Variants in ABCC11 observed in about 807,000 individuals in gnomAD.
ABCC11 encodes the protein ATP-binding cassette sub-family C member 11.
A neutral mutation model predicts 149.3 loss-of-function variants in ABCC11; 135 were observed. The observed-to-expected ratio is 0.90, with a 90% CI of 0.79 to 1.04. The LOEUF (loss-of-function observed/expected upper bound fraction) is 1.04. Ranked by LOEUF, ABCC11 falls within the 50% of genes least tolerant of loss-of-function variation. The pLI is 0.00. For synonymous variants in ABCC11, 665 were observed against 671.4 expected (o/e 0.99, Z 0.15); for missense variants, 1,680 against 1,722.1 (o/e 0.98, Z 0.43).
In ABCC11 at chr16:48,203,346, G is replaced by A. The variant is rs192719473; in HGVS notation, c.1806-46C>T. The stretch of plus-strand genomic sequence containing the variant: ...TAAGGCACAGGGGACCAGCCCTCCC[G>A]CCCATCACCCTTCCCAGTGTCGAGA... On this transcript the variant is annotated intron_variant, in intron 13 of 29. Coordinates refer to ENST00000356608, the MANE Select transcript of ABCC11 (RefSeq NM_001370497.1). The A allele has an allele frequency of 3.8e-5, 56 of 1,484,798 alleles. No homozygotes were observed. In the Admixed American group the frequency reaches 6.9e-4, roughly 18 times the overall value. The allele number at this position is 1,484,798 out of a possible 1,614,324, so 92.0% of individuals were successfully genotyped here.
chr16:48,220,139 G>T (rs554464903), intron 6 of ABCC11, among the ~76,000 whole-genome samples: 1 of 152,224 alleles, frequency 6.6e-6, no homozygotes, highest in Non-Finnish European at 1.5e-5. Flanking sequence ...GCATACAGCA[G>T]GTGCTCAGAA....
At chr16:48,172,738 T>C (rs1438974087) in intron 26 of ABCC11, among the ~76,000 whole-genome samples, 1 of 152,226 alleles carries the variant, frequency 6.6e-6, no homozygotes, top group Non-Finnish European at 1.5e-5. Context: ...ATTATTGTTA[T>C]AGCCATTCTA....
chr16:48,214,841 A>C (rs1969207631), intron 9 of ABCC11, 40 bp downstream of exon 9: 1 of 1,610,362 alleles, frequency 6.2e-7, no homozygotes, highest in Non-Finnish European at 8.5e-7. Context: ...GAAAATTCCC[A>C]ATCATGATGG....
At chr16:48,227,326 T>A (rs1970136470) in intron 4 of ABCC11, among the ~76,000 whole-genome samples, 1 of 151,758 alleles carries the variant, frequency 6.6e-6, no homozygotes, top group Non-Finnish European at 1.5e-5. Context: ...ATACAAAAAT[T>A]AGCCGGACGT....
chr16:48,200,322 T>C lies in ABCC11; in HGVS notation c.2036A>G (p.Lys679Arg), dbSNP rs1967842846. Residue 679 changes from lysine to arginine, a missense_variant, in exon 15 of 30, where the codon AAG becomes AGG. Lys to Arg is a conservative substitution (Grantham distance 26). Transcript: ENST00000356608. Reference sequence around the variant, plus strand: ...GACGACCGTCTTCCCCCTGAGTGTCTTCTTAATGCACTCCTCAAAAATGTG... The same window carrying C: ...GACGACCGTCTTCCCCCTGAGTGTCCTCTTAATGCACTCCTCAAAAATGTG... The part of the protein sequence containing the change: ...GKHIFEECIK[K>R]TLRGKTVVLV... 2 of 1,614,130 alleles carry C rather than the reference T, an allele frequency of 1.2e-6. No individual in the cohort carries two copies. The highest frequency in any genetic ancestry group is 2.2e-5 in the South Asian group (2 of 91,088).
chr16:48,191,842 C>T (rs1043815576), intron 20 of ABCC11, among the ~76,000 whole-genome samples: 10 of 145,912 alleles, frequency 6.9e-5, no homozygotes, highest in Admixed American at 1.4e-4. Context: ...GGTTGGGGGA[C>T]GGGGGAGGGA....
rs779237531 is a variant in ABCC11 at position 48,198,141 on chromosome 16, C to T, written c.2217G>A (p.Ser739=). 49 of 1,614,030 alleles carry T rather than the reference C, an allele frequency of 3.0e-5. No individual in the cohort carries two copies. Among genetic ancestry groups the T allele is most frequent in the Admixed American group, 5.0e-5 (3 of 60,006 alleles). ...GTGAGGGCAGTGGGGCAGGACTCAC[C>T]GAAGTGGCTTCCTTGTGCATCTTCT... ...LIQKMHKEAT[S]DMLQDTAKIA... Residue 739 remains serine (S), a splice_region_variant and synonymous_variant, in exon 16 of 30, where the codon TCG becomes TCA. Transcript: ENST00000356608.
chr16:48,190,354 A>G (rs75843750), intron 20 of ABCC11, among the ~76,000 whole-genome samples: 13,472 of 151,796 alleles, frequency 0.089, 665 homozygotes, highest in Middle Eastern at 0.12. Flanking sequence ...TGATACCATA[A>G]GCAATTTGGT....
chr16:48,245,543 A>G (rs1197673172), intron 1 of ABCC11, among the ~76,000 whole-genome samples: 1 of 152,154 alleles, frequency 6.6e-6, no homozygotes, highest in Non-Finnish European at 1.5e-5. Flanking sequence ...TAGAATTGCC[A>G]GTTGTCCTGG....
intron 23 of ABCC11, among the ~76,000 whole-genome samples, chr16:48,181,446 A>G (rs1279105938): frequency 6.6e-6 from 1 of 152,122 alleles, no homozygotes; most frequent in African/African-American, 2.4e-5. Context: ...GTTTTTACAA[A>G]CATTAAGTCT....
At chr16:48,184,659 G>T in intron 22 of ABCC11, 33 bp from the exon 23 acceptor site, 1 of 1,601,134 alleles carries the variant, frequency 6.2e-7, no homozygotes, top group Non-Finnish European at 8.5e-7. Flanking sequence ...AGAACCATGT[G>T]TTTGTCTGAC....
chr16:48,193,859 AT>A lies in ABCC11; in HGVS notation c.2508+19del, dbSNP rs1304399934. The stretch of plus-strand genomic sequence containing the variant: ...ACTCAAGCCCATAGAAACACAGCCC[AT>A]CCACCTCATGGCACTCACCCCCGAG... On this transcript the variant is annotated intron_variant, in intron 19 of 29. Coordinates refer to ENST00000356608, the MANE Select transcript of ABCC11 (RefSeq NM_001370497.1). The A allele has an allele frequency of 3.8e-6, 6 of 1,596,910 alleles. No individual in the cohort carries two copies. Among genetic ancestry groups the A allele is most frequent in the Non-Finnish European group, 5.1e-6 (6 of 1,165,370 alleles).
intron 28 of ABCC11, among the ~76,000 whole-genome samples, chr16:48,168,225 A>C (rs1348922720): frequency 2.3e-5 from 3 of 129,620 alleles, no homozygotes; most frequent in Non-Finnish European, 5.7e-5. Context: ...AGAGATGACA[A>C]AAATCATAAA....
chr16:48,167,617 G>A lies in ABCC11; in HGVS notation c.3935C>T (p.Thr1312Ile). The A allele has an allele frequency of 6.2e-7, 1 of 1,614,188 alleles. No homozygotes were observed. The highest frequency in any genetic ancestry group is 1.1e-5 in the South Asian group (1 of 91,084). ...DEATASIDME[T>I]DTLIQRTIRE... ...GATTGTGCGCTGGATCAGGGTGTCT[G>A]TCTCCATGTCAATGGAGGCTGTGGC... The change falls in exon 29 of 30, where the codon ACA becomes ATA. Residue 1312 changes from threonine (T) to isoleucine (I), a missense_variant. Physicochemically the swap from Thr to Ile is moderately conservative, Grantham distance 89. Transcript: ENST00000356608.
At position 48,211,180 on chromosome 16, in the gene ABCC11, C is replaced by T; in HGVS notation, c.1376G>A (p.Ser459Asn). ...MRFKKFFLQE[S>N]PVFYVQTLQD... ...TAATGTCTGGACATAGAAAACAGGGCTCTCCTGGAGGAAAAACTTCTGTAA... is the reference window on the plus strand; with the variant it reads ...TAATGTCTGGACATAGAAAACAGGGTTCTCCTGGAGGAAAAACTTCTGTAA... The change falls in exon 11 of 30, where the codon AGC becomes AAC. Residue 459 changes from serine to asparagine, a missense_variant. Physicochemically the swap from Ser to Asn is conservative, Grantham distance 46. Coordinates refer to ENST00000356608, the MANE Select transcript of ABCC11 (RefSeq NM_001370497.1). 4 of 1,614,014 alleles carry T rather than the reference C, an allele frequency of 2.5e-6. No homozygotes were observed. Among genetic ancestry groups the T allele is most frequent in the Non-Finnish European group, 3.4e-6 (4 of 1,179,996 alleles).
intron 4 of ABCC11, among the ~76,000 whole-genome samples, chr16:48,227,593 A>C (rs1406704473): frequency 6.6e-6 from 1 of 152,050 alleles, no homozygotes; most frequent in African/African-American, 2.4e-5. Context: ...CCAGAGAAAG[A>C]TCTCCAGCCC....
rs200527101 is a variant in ABCC11, at chr16:48,184,628, T to C, written c.3072-2A>G. 1.2e-6 allele frequency: 2 copies of C among 1,613,422 alleles called. No homozygotes were observed. The highest frequency in any genetic ancestry group is 2.2e-5 in the East Asian group (1 of 44,882). ...TGCGCATCAGTCAGCCTCTTAAACC[T>C]GAGAAGGAAAGCACAGACTAAGAAC... On this transcript the variant is annotated splice_acceptor_variant, in intron 22 of 29. Transcript: ENST00000356608. LOFTEE classifies it high-confidence loss of function.
In ABCC11 at chr16:48,230,528, TTC is replaced by T. The variant is rs758344556; in HGVS notation, c.143_144del (p.Arg48LysfsTer3). On this transcript the variant is annotated frameshift_variant, in exon 3 of 30. Coordinates refer to ENST00000356608, the MANE Select transcript of ABCC11 (RefSeq NM_001370497.1). LOFTEE classifies it high-confidence loss of function. ...GCTGCCCTCCCTGGAGCCTCAGGAT[TTC>T]TCTCTTGCTGACTCCAGGGGCCATC... ...LQDGPWSQQE[R>X]NPEAPGRAAV... 1.3e-4 allele frequency: 203 copies of T among 1,612,584 alleles called. No individual in the cohort carries two copies. Among genetic ancestry groups the T allele is most frequent in the Non-Finnish European group, 1.5e-4 (182 of 1,179,350 alleles).
intron 6 of ABCC11, among the ~76,000 whole-genome samples, chr16:48,221,253 T>C (rs190409586): frequency 6.6e-5 from 10 of 152,286 alleles, no homozygotes; most frequent in Admixed American, 3.9e-4. Context: ...GCCAAAGCAG[T>C]GTTGCCTTTT....
Sources: gnomAD v4.1 joint callset for allele counts (sites outside exome capture counted in the v4.1 genomes callset) on GRCh38, gnomAD v4.1.1 for gene constraint, MANE v1.5 for transcripts, NCBI Gene and HGNC (gene_info 2026-07-23, HGNC 2026-07-21) for gene names.